DCDC1: variants seen among roughly 807,000 people sequenced by gnomAD.
DCDC1 encodes doublecortin domain containing 1.
DCDC1 carries 200 observed loss-of-function variants against 178.3 expected under a neutral mutation model. The ratio of observed to expected loss-of-function variants is 1.12; its 90% CI spans 1.00 to 1.26. DCDC1 has a LOEUF of 1.26. Ranked by LOEUF, DCDC1 falls within the 50% of genes most tolerant of loss-of-function variation. The pLI, the probability that DCDC1 is intolerant of heterozygous loss-of-function variation, is 0.00. For synonymous variants in DCDC1, 690 were observed against 604.8 expected (o/e 1.14, Z -2.07); for missense variants, 1,983 against 1,749.2 (o/e 1.13, Z -2.38).
intron 6 of DCDC1, among the ~76,000 whole-genome samples, chr11:31,297,574 T>C (rs1947788639): frequency 6.6e-6 from 1 of 152,152 alleles, no homozygotes; most frequent in African/African-American, 2.4e-5. Flanking sequence ...CTCAAACTCC[T>C]GACCTTGTAA....
At chr11:31,157,610 C>T (rs918061980) in intron 9 of DCDC1, among the ~76,000 whole-genome samples, 4 of 151,578 alleles carry the variant, frequency 2.6e-5, no homozygotes, top group East Asian at 1.9e-4. Flanking sequence ...TTGTGTGATT[C>T]GATTTATGAG....
chr11:30,994,562 C>T (rs902103936), intron 20 of DCDC1, among the ~76,000 whole-genome samples: 3 of 147,578 alleles, frequency 2.0e-5, no homozygotes, highest in African/African-American at 7.4e-5. Context: ...TATATATGCC[C>T]TTTGTAAGGG....
chr11:31,244,085 G>A (rs1446483189), intron 8 of DCDC1, among the ~76,000 whole-genome samples: 4 of 151,500 alleles, frequency 2.6e-5, no homozygotes, highest in South Asian at 4.1e-4. Context: ...AAAATGATAC[G>A]CCTAAGTACT....
At chr11:31,219,770 G>A (rs1974031316) in intron 9 of DCDC1, among the ~76,000 whole-genome samples, 1 of 152,088 alleles carries the variant, frequency 6.6e-6, no homozygotes, top group Admixed American at 6.6e-5. Context: ...CTATAAGCCA[G>A]GCACCATATA....
intron 10 of DCDC1, 35 bp downstream of exon 10, chr11:31,137,657 G>A (rs766573095): frequency 1.7e-5 from 12 of 699,628 alleles, no homozygotes; most frequent in South Asian, 1.5e-4. Flanking sequence ...CCTCATTGCA[G>A]TTTTAAAATA....
intron 21 of DCDC1, among the ~76,000 whole-genome samples, chr11:30,946,417 C>T (rs1447732763): frequency 6.6e-6 from 1 of 152,194 alleles, no homozygotes; most frequent in Non-Finnish European, 1.5e-5. Flanking sequence ...CATATTAATT[C>T]ATCCAGCCAC....
At chr11:31,115,994 G>GGGGGA (rs1959889948) in intron 11 of DCDC1, among the ~76,000 whole-genome samples, 1 of 87,214 alleles carries the variant, frequency 1.1e-5, no homozygotes, top group African/African-American at 4.2e-5. Context: ...GGGGGGGGGG[G>GGGGGA]ATGGGTATCT....
chr11:31,212,602 G>T (rs1010352582), intron 9 of DCDC1, among the ~76,000 whole-genome samples: 1 of 152,086 alleles, frequency 6.6e-6, no homozygotes, highest in African/African-American at 2.4e-5. Context: ...TGAATTAACA[G>T]ATTTTTCAAA....
intron 9 of DCDC1, among the ~76,000 whole-genome samples, chr11:31,231,913 T>C (rs1466416684): frequency 6.6e-6 from 1 of 152,230 alleles, no homozygotes; most frequent in East Asian, 1.9e-4. Context: ...GGATTTGCTC[T>C]CCTGCAGTGT....
intron 1 of DCDC1, among the ~76,000 whole-genome samples, chr11:31,367,924 A>G (rs187578080): frequency 6.6e-6 from 1 of 152,200 alleles, no homozygotes; most frequent in African/African-American, 2.4e-5. Flanking sequence ...AATGGCAAGT[A>G]AAGAAAAAAA....
intron 27 of DCDC1, among the ~76,000 whole-genome samples, chr11:30,913,150 G>A (rs1264893505): frequency 3.3e-5 from 5 of 152,112 alleles, no homozygotes; most frequent in Non-Finnish European, 7.3e-5. Context: ...GGCCGGGCGC[G>A]GTGGCTCACG....
At chr11:30,920,742 C>A in intron 25 of DCDC1, 34 bp downstream of exon 25, 1 of 1,607,418 alleles carries the variant, frequency 6.2e-7, no homozygotes, top group Non-Finnish European at 8.5e-7. Flanking sequence ...CAAAAAGCAG[C>A]CAGGTAGCTT....
chr11:31,252,977 C>A (rs1207799422), intron 8 of DCDC1, among the ~76,000 whole-genome samples: 1 of 152,050 alleles, frequency 6.6e-6, no homozygotes, highest in African/African-American at 2.4e-5. Flanking sequence ...ATCAACAACA[C>A]TGTCCTGAAG....
chr11:31,231,131 A>AT (rs1975718334), intron 9 of DCDC1, among the ~76,000 whole-genome samples: 1 of 151,658 alleles, frequency 6.6e-6, no homozygotes, highest in Non-Finnish European at 1.5e-5. Context: ...ATCTGGCTAA[A>AT]TTTTTTATTT....
intron 9 of DCDC1, among the ~76,000 whole-genome samples, chr11:31,183,118 T>C (rs1969035508): frequency 6.6e-6 from 1 of 152,176 alleles, no homozygotes; most frequent in South Asian, 2.1e-4. Context: ...CTTAGAGATC[T>C]ACGAAGAGAC....
intron 7 of DCDC1, among the ~76,000 whole-genome samples, chr11:31,278,837 T>A (rs963949840): frequency 6.6e-6 from 1 of 152,148 alleles, no homozygotes; most frequent in Non-Finnish European, 1.5e-5. Context: ...AATAAATACA[T>A]ACTAAAATAC....
At chr11:31,224,893 T>A (rs1359891113) in intron 9 of DCDC1, among the ~76,000 whole-genome samples, 4 of 152,114 alleles carry the variant, frequency 2.6e-5, no homozygotes, top group African/African-American at 9.7e-5. Context: ...AAAAGAGATG[T>A]ACCACTCTGC....
chr11:31,181,848 A>G (rs1455684312), intron 9 of DCDC1, among the ~76,000 whole-genome samples: 2 of 152,178 alleles, frequency 1.3e-5, no homozygotes, highest in African/African-American at 4.8e-5. Context: ...ATTGAAAAAA[A>G]GGTTAGACAA....
At chr11:31,366,153 T>A (rs989992052) in intron 1 of DCDC1, among the ~76,000 whole-genome samples, 5 of 152,092 alleles carry the variant, frequency 3.3e-5, no homozygotes, top group African/African-American at 1.2e-4. Flanking sequence ...ATGAATTAAG[T>A]TCACATAGCC....
Sources: allele counts gnomAD v4.1 joint callset (sites outside exome capture counted in the v4.1 genomes callset), GRCh38; gene constraint gnomAD v4.1.1; transcripts MANE v1.5; gene names NCBI Gene and HGNC (gene_info 2026-07-23, HGNC 2026-07-21).